DMC1: variants seen among roughly 807,000 people sequenced by gnomAD.
DMC1 encodes DNA meiotic recombinase 1.
In DMC1, 27 loss-of-function variants were observed where a neutral mutation model predicts 50.1. That is an observed-to-expected ratio of 0.54 (90% CI 0.40 to 0.74). The LOEUF (loss-of-function observed/expected upper bound fraction) is 0.74, where lower values mean the gene tolerates loss of function less well. Ranked by LOEUF, DMC1 falls within the 30% of genes least tolerant of loss-of-function variation. The probability of loss-of-function intolerance (pLI) is 0.00; values close to 1 mark genes in which losing one functional copy is unlikely to be tolerated. For synonymous variants in DMC1, 148 were observed against 136.1 expected (o/e 1.09, Z -0.61); for missense variants, 295 against 420.2 (o/e 0.70, Z 2.60).
At chr22:38,516,257 GGACCCAGAGAGATTTCCA>G (rs1300152885), downstream of DMC1, among the ~76,000 whole-genome samples, 1 of 152,152 alleles carries the variant, frequency 6.6e-6, no homozygotes, top group East Asian at 1.9e-4. Flanking sequence ...AAGAGTGGCT[GGACCCAGAGAGATTTCCA>G]GCCTTAGCCA....
At chr22:38,513,879 CTA>C in the DMC1 span, among the ~76,000 whole-genome samples, 1 of 152,202 alleles carries the variant, frequency 6.6e-6, no homozygotes, top group African/African-American at 2.4e-5. Flanking sequence ...AATGAATAAT[CTA>C]TGAGGAAAAA....
chr22:38,537,624 A>G lies in DMC1; in HGVS notation c.804T>C (p.Asn268=). The stretch of plus-strand genomic sequence containing the variant: ...TTGCTCCTGGATCGGCAGTCATTTG[A>G]TTGGTCACAAAAACAGCCACGTTAT... ...EEYNVAVFVT[N]QMTADPGATM... The change falls in exon 12 of 14, where the codon AAT becomes AAC. Residue 268 remains asparagine (N), a synonymous_variant. Transcript: ENST00000216024. The G allele has an allele frequency of 6.2e-7, 1 of 1,614,076 alleles. No homozygotes were observed.
intron 7 of DMC1, among the ~76,000 whole-genome samples, chr22:38,552,122 A>G (rs1239013790): frequency 6.6e-6 from 1 of 151,946 alleles, no homozygotes; most frequent in Non-Finnish European, 1.5e-5. Flanking sequence ...CGGCCTCCCA[A>G]AGTGCTGGGA....
intron 2 of DMC1, among the ~76,000 whole-genome samples, chr22:38,567,972 G>A (rs570803576): frequency 2.0e-5 from 3 of 152,300 alleles, no homozygotes; most frequent in South Asian, 4.1e-4. Flanking sequence ...TTCGGTACCC[G>A]TGTGTGTAGG....
the DMC1 span, among the ~76,000 whole-genome samples, chr22:38,513,202 C>T: frequency 6.6e-6 from 1 of 152,216 alleles, no homozygotes; most frequent in African/African-American, 2.4e-5. Flanking sequence ...CCCAGTCTAG[C>T]AGCAGGAACA....
At chr22:38,532,467 AC>A (rs1319585416) in intron 12 of DMC1, among the ~76,000 whole-genome samples, 1 of 151,238 alleles carries the variant, frequency 6.6e-6, no homozygotes, top group African/African-American at 2.4e-5. Flanking sequence ...GATTACAGGC[AC>A]GCGCATTTAC....
At chr22:38,557,956 CTTTTTT>C (rs753724944) in intron 5 of DMC1, among the ~76,000 whole-genome samples, 24 of 62,714 alleles carry the variant, frequency 3.8e-4, no homozygotes, top group African/African-American at 1.2e-3. Context: ...AGACAAAGTT[CTTTTTT>C]TTTTTTTTTT....
At chr22:38,534,408 A>G (rs1189851459) in intron 12 of DMC1, among the ~76,000 whole-genome samples, 1 of 152,192 alleles carries the variant, frequency 6.6e-6, no homozygotes, top group African/African-American at 2.4e-5. Flanking sequence ...GTTCACCAAA[A>G]AATACATATA....
At position 38,547,919 on chromosome 22, in the gene DMC1, T is replaced by C. The variant is rs11570420; in HGVS notation, c.494+2006A>G. Among the ~76,000 whole-genome samples, 403 of 152,308 alleles carry C rather than the reference T, an allele frequency of 2.6e-3. 1 individual carries two copies. Among genetic ancestry groups the C allele is most frequent in the African/African-American group, 9.3e-3 (387 of 41,564 alleles). ...ATAAAGCTTCTATCACCTCACCCTA[T>C]GGCAAATGTTCGCTTGAACTCCTAA... On this transcript the variant is annotated intron_variant, in intron 8 of 13. Transcript: ENST00000216024.
In DMC1 at chr22:38,550,948, AAG is replaced by A. The variant is rs1193175072; in HGVS notation, c.422-953_422-952del. ...TCCATCTCAAAAAAAAAAAAAAAAA[AAG>A]AAAGAAAGAAAGAAAGAAAGAAAAA... On this transcript the variant is annotated intron_variant, in intron 7 of 13. Transcript: ENST00000216024. 1.6e-3 allele frequency among the ~76,000 whole-genome samples: 217 copies of A among 132,030 alleles called. 2 individuals are homozygous for A. The highest frequency in any genetic ancestry group is 6.3e-3 in the African/African-American group (191 of 30,378). The allele number at this position is 132,030 out of a possible 152,430, so 86.6% of individuals were successfully genotyped here.
Position 38,567,634 on chromosome 22 carries a change from G to A in DMC1, c.52-7C>T. Reference sequence around the variant, plus strand: ...TATCTTGAAACAAAGATTCCTAAAGGAGATGAAACAGAAAAAATGAAGTTT... The same window carrying A: ...TATCTTGAAACAAAGATTCCTAAAGAAGATGAAACAGAAAAAATGAAGTTT... On this transcript the variant is annotated splice_region_variant and splice_polypyrimidine_tract_variant and intron_variant, in intron 2 of 13. Coordinates refer to ENST00000216024, the MANE Select transcript of DMC1 (RefSeq NM_007068.4). 1.2e-6 allele frequency: 2 copies of A among 1,601,716 alleles called. No individual in the cohort carries two copies. The highest frequency in any genetic ancestry group is 2.2e-5 in the South Asian group (2 of 90,754).
chr22:38,518,096 C>T (rs183748614), downstream of DMC1, among the ~76,000 whole-genome samples: 1 of 152,230 alleles, frequency 6.6e-6, no homozygotes. Flanking sequence ...CCTCAGCCTC[C>T]TGAGTAGCTG....
Position 38,540,608 on chromosome 22 carries a change from G to A in DMC1, c.495-1196C>T, listed in dbSNP as rs2090270259. On this transcript the variant is annotated intron_variant, in intron 8 of 13. Coordinates refer to ENST00000216024, the MANE Select transcript of DMC1 (RefSeq NM_007068.4). ...CCCAGTATAAGTAACTGTAAATCAA[G>A]GACCATTTATAATCTTATTTGTGAT... is the stretch of plus-strand genomic sequence containing the variant. Among the ~76,000 whole-genome samples the A allele has an allele frequency of 1.3e-5, 2 of 152,006 alleles. 1 individual carries two copies. The highest frequency in any genetic ancestry group is 4.2e-4 in the South Asian group (2 of 4,818).
intron 5 of DMC1, among the ~76,000 whole-genome samples, chr22:38,560,398 G>C (rs1845187152): frequency 6.6e-6 from 1 of 152,006 alleles, no homozygotes; most frequent in African/African-American, 2.4e-5. Context: ...GATGGGAGAG[G>C]ACTTTGGCTT....
intron 5 of DMC1, among the ~76,000 whole-genome samples, chr22:38,560,677 A>G (rs369854361): frequency 2.0e-5 from 3 of 152,018 alleles, no homozygotes; most frequent in African/African-American, 7.2e-5. Flanking sequence ...GTACACACAC[A>G]CATATACACA....
chr22:38,559,932 C>T (rs750177342), intron 5 of DMC1, among the ~76,000 whole-genome samples: 85 of 151,740 alleles, frequency 5.6e-4, no homozygotes, highest in African/African-American at 1.9e-3. Context: ...GCAGGTGAAT[C>T]GCTTGAACCT....
chr22:38,518,052 A>G (rs2089988471), downstream of DMC1, among the ~76,000 whole-genome samples: 4 of 151,418 alleles, frequency 2.6e-5, no homozygotes, highest in Admixed American at 2.6e-4. Context: ...AGCTCACTGC[A>G]ACCTCCGCCT....
intron 8 of DMC1, among the ~76,000 whole-genome samples, chr22:38,544,886 C>T (rs1418102563): frequency 6.6e-6 from 1 of 150,748 alleles, no homozygotes; most frequent in African/African-American, 2.4e-5. Flanking sequence ...CCCACCTTGG[C>T]CTCCCAAAGT....
intron 8 of DMC1, among the ~76,000 whole-genome samples, chr22:38,540,754 T>C (rs1469888955): frequency 1.3e-5 from 2 of 152,180 alleles, no homozygotes; most frequent in African/African-American, 2.4e-5. Flanking sequence ...ACCCAGTAGA[T>C]GTTTTTGGTG....
Sources: allele counts gnomAD v4.1 joint callset (sites outside exome capture counted in the v4.1 genomes callset), GRCh38; gene constraint gnomAD v4.1.1; transcripts MANE v1.5; gene names NCBI Gene and HGNC (gene_info 2026-07-23, HGNC 2026-07-21).